The following SYNE2 variants were observed in gnomAD, a reference collection of about 807,000 sequenced individuals.
SYNE2 encodes the protein spectrin repeat containing nuclear envelope protein 2.
In SYNE2, 431 loss-of-function variants were observed where a neutral mutation model predicts 856.3. The observed-to-expected ratio is 0.50, with a 90% CI of 0.47 to 0.55. SYNE2 has a LOEUF of 0.55. SYNE2 is among the 20% of genes least tolerant of loss of function. The probability of loss-of-function intolerance (pLI) is 0.00; values close to 1 mark genes in which losing one functional copy is unlikely to be tolerated. For missense variants in SYNE2, 8,129 were observed against 8,023.2 expected (o/e 1.01, Z -0.50); for synonymous variants, 2,923 against 2,872.3 (o/e 1.02, Z -0.56).
intron 51 of SYNE2, among the ~76,000 whole-genome samples, chr14:64,066,313 A>G (rs2097358234): frequency 6.6e-6 from 1 of 152,128 alleles, no homozygotes; most frequent in African/African-American, 2.4e-5. Flanking sequence ...CAGACCAGGC[A>G]ATGGAGTGAA....
chr14:63,971,602 C>G (rs372227252), intron 11 of SYNE2, among the ~76,000 whole-genome samples: 17 of 146,900 alleles, frequency 1.2e-4, no homozygotes, highest in African/African-American at 4.3e-4. Flanking sequence ...TTGCTCTAAA[C>G]AACCATATAT....
intron 57 of SYNE2, among the ~76,000 whole-genome samples, chr14:64,087,235 T>C (rs1198621378): frequency 2.0e-5 from 3 of 152,156 alleles, no homozygotes; most frequent in African/African-American, 7.2e-5. Flanking sequence ...TCTAGTTGTG[T>C]AAGTGAATGT....
intron 87 of SYNE2, among the ~76,000 whole-genome samples, chr14:64,160,984 TGTACAGC>T (rs2098325026): frequency 1.3e-5 from 2 of 152,296 alleles, no homozygotes; most frequent in South Asian, 4.1e-4. Flanking sequence ...ACAGACCATT[TGTACAGC>T]CACTTAAAAT....
At position 63,950,003 on chromosome 14, in the gene SYNE2, C is replaced by T; in HGVS notation, c.587C>T (p.Ala196Val). ...CTTTTGTGGGCTCAGGAACAATGCG[C>T]CACGTAAGTAGTTTGCTATGACCCT... ...ALLLWAQEQC[A>V]TYESVNVTDF... is the part of the protein sequence containing the mutation. Residue 196 changes from alanine to valine, a missense_variant, in exon 7 of 116, where the codon GCC (alanine) becomes GTC (valine). Ala to Val is a moderately conservative substitution (Grantham distance 64). Transcript: ENST00000555002. The T allele has an allele frequency of 6.2e-7, 1 of 1,614,034 alleles. No homozygotes were observed. Among genetic ancestry groups the T allele is most frequent in the Non-Finnish European group, 8.5e-7 (1 of 1,179,978 alleles).
intron 1 of SYNE2, among the ~76,000 whole-genome samples, chr14:63,881,056 G>A (rs189496814): frequency 1.3e-5 from 2 of 151,848 alleles, no homozygotes; most frequent in Admixed American, 1.3e-4. Context: ...CACCATATTG[G>A]CCAGGCTGGT....
intron 1 of SYNE2, among the ~76,000 whole-genome samples, chr14:63,847,676 C>T (rs972469888): frequency 2.7e-5 from 4 of 150,696 alleles, no homozygotes; most frequent in African/African-American, 9.8e-5. Flanking sequence ...ACCTCTGCCT[C>T]CTGGGTTCAA....
At chr14:63,806,408 A>T (rs1888363558) in intron 1 of SYNE2, among the ~76,000 whole-genome samples, 1 of 152,074 alleles carries the variant, frequency 6.6e-6, no homozygotes, top group Non-Finnish European at 1.5e-5. Flanking sequence ...ATTTTTGTTC[A>T]TCAGTGATTT....
In SYNE2 at chr14:64,212,990, C is replaced by T. The variant is rs1567662655; in HGVS notation, c.19041C>T (p.Leu6347=). 3 of 1,613,556 alleles carry T rather than the reference C, an allele frequency of 1.9e-6. No individual in the cohort carries two copies. Among genetic ancestry groups the T allele is most frequent in the South Asian group, 1.1e-5 (1 of 91,062 alleles). Residue 6347 remains leucine, a synonymous_variant, in exon 105 of 116, where the codon CTC becomes CTT. Coordinates refer to ENST00000555002, the MANE Select transcript of SYNE2 (RefSeq NM_182914.3). ...GGGTCTCCCGGTTCCACCGGCGGCT[C>T]ACCTCCTGCACTCCGGTACGGGCAC... The part of the protein sequence containing the change: ...FGRVSRFHRR[L]TSCTPGLEDE...
chr14:63,835,948 A>T (rs554885146), intron 1 of SYNE2, among the ~76,000 whole-genome samples: 1 of 148,370 alleles, frequency 6.7e-6, no homozygotes, highest in Non-Finnish European at 1.5e-5. Flanking sequence ...GTGCCGTTGC[A>T]CTCCAGCCTG....
At chr14:64,097,080 A>G (rs918545847) in intron 61 of SYNE2, among the ~76,000 whole-genome samples, 1 of 152,174 alleles carries the variant, frequency 6.6e-6, no homozygotes, top group Admixed American at 6.5e-5. Flanking sequence ...GTTTCTTCCA[A>G]AGCTAAGAAT....
intron 9 of SYNE2, among the ~76,000 whole-genome samples, chr14:63,963,062 G>C (rs941447789): frequency 6.6e-6 from 1 of 152,140 alleles, no homozygotes; most frequent in Non-Finnish European, 1.5e-5. Flanking sequence ...TTTCAGACAT[G>C]TTTACATGCA....
At chr14:63,847,313 G>T (rs919156017) in intron 1 of SYNE2, among the ~76,000 whole-genome samples, 2 of 151,558 alleles carry the variant, frequency 1.3e-5, no homozygotes, top group African/African-American at 4.8e-5. Context: ...AATTAGTTGG[G>T]TGTGGTGGCA....
chr14:64,078,841 G>A (rs2097493329), intron 55 of SYNE2, among the ~76,000 whole-genome samples: 1 of 152,216 alleles, frequency 6.6e-6, no homozygotes, highest in African/African-American at 2.4e-5. Context: ...GGAGGCCAAG[G>A]TGGGATGATC....
chr14:63,785,426 C>T (rs1232705995), intron 1 of SYNE2, among the ~76,000 whole-genome samples: 2 of 152,030 alleles, frequency 1.3e-5, no homozygotes, highest in Non-Finnish European at 2.9e-5. Context: ...CCACTGCACT[C>T]CAGTCTGGGT....
At chr14:63,947,979 G>A (rs987230063) in intron 6 of SYNE2, among the ~76,000 whole-genome samples, 51 of 152,206 alleles carry the variant, frequency 3.4e-4, no homozygotes, top group African/African-American at 1.1e-3. Context: ...CTTTGCACCA[G>A]TACTATACTT....
At chr14:64,217,208 A>T (rs1152589) in intron 108 of SYNE2, among the ~76,000 whole-genome samples, 95,478 of 152,148 alleles carry the variant, frequency 0.63, 31,969 homozygotes, top group African/African-American at 0.88. Context: ...TTCACCTAGT[A>T]GTTGTTAAGA....
intron 10 of SYNE2, among the ~76,000 whole-genome samples, chr14:63,965,542 C>A (rs1013700762): frequency 6.6e-6 from 1 of 152,180 alleles, no homozygotes; most frequent in Non-Finnish European, 1.5e-5. Context: ...GTTCCTCAGT[C>A]CCGTTTCTTA....
chr14:64,047,968 T>C (rs1227130354), intron 45 of SYNE2, 32 bp from the exon 46 acceptor site: 1 of 1,608,118 alleles, frequency 6.2e-7, no homozygotes, highest in East Asian at 2.2e-5. Context: ...GAAAGTAGAC[T>C]ATTCAGCAAT....
At chr14:64,068,811 G>A (rs769214986) in intron 51 of SYNE2, among the ~76,000 whole-genome samples, 53 of 139,868 alleles carry the variant, frequency 3.8e-4, no homozygotes, top group Non-Finnish European at 5.6e-4. Flanking sequence ...ACAGTGAGCC[G>A]AGATCATGCC....
Sources: gnomAD v4.1 joint callset for allele counts (sites outside exome capture counted in the v4.1 genomes callset) on GRCh38, gnomAD v4.1.1 for gene constraint, MANE v1.5 for transcripts, NCBI Gene and HGNC (gene_info 2026-07-23, HGNC 2026-07-21) for gene names.